EYS: variants seen among roughly 807,000 people sequenced by gnomAD.
EYS encodes the protein EGF-like photoreceptor maintenance factor.
EYS carries 250 observed loss-of-function variants against 282.1 expected under a neutral mutation model. The ratio of observed to expected loss-of-function variants is 0.89; its 90% CI spans 0.80 to 0.98. The LOEUF is 0.98. EYS is among the 50% of genes least tolerant of loss of function. The pLI is 0.00. For missense variants in EYS, 4,016 were observed against 3,709.0 expected, an observed-to-expected ratio of 1.08 and a Z score of -2.15; for synonymous variants, 1,355 against 1,282.9, an observed-to-expected ratio of 1.06 and a Z score of -1.20.
chr6:64,159,805 G>T (rs1385523723), intron 31 of EYS, among the ~76,000 whole-genome samples: 1 of 151,824 alleles, frequency 6.6e-6, no homozygotes, highest in Non-Finnish European at 1.5e-5. Context: ...ATGAATGTTC[G>T]TTATAGCAGG....
At chr6:64,776,619 ATATT>A (rs1218751435) in intron 22 of EYS, among the ~76,000 whole-genome samples, 1 of 152,054 alleles carries the variant, frequency 6.6e-6, no homozygotes, top group African/African-American at 2.4e-5. Context: ...TATATGTACT[ATATT>A]TAAAGTGGGA....
chr6:64,940,320 A>G (rs1250604431), intron 15 of EYS, among the ~76,000 whole-genome samples: 2 of 152,086 alleles, frequency 1.3e-5, no homozygotes, highest in Non-Finnish European at 2.9e-5. Context: ...TGCCAACAGC[A>G]TCAACACACA....
At chr6:64,471,908 G>A (rs73455414) in intron 26 of EYS, among the ~76,000 whole-genome samples, 1 of 152,118 alleles carries the variant, frequency 6.6e-6, no homozygotes, top group Non-Finnish European at 1.5e-5. Context: ...TAGCACAGTA[G>A]GGTGACTGTA....
intron 2 of EYS, among the ~76,000 whole-genome samples, chr6:65,562,513 T>A (rs1769105537): frequency 6.6e-6 from 1 of 152,018 alleles, no homozygotes; most frequent in Admixed American, 6.6e-5. Context: ...ATATTAGAAA[T>A]CTTCCAAATT....
intron 12 of EYS, among the ~76,000 whole-genome samples, chr6:65,167,670 G>A (rs1765006630): frequency 6.6e-6 from 1 of 151,184 alleles, no homozygotes; most frequent in Non-Finnish European, 1.5e-5. Flanking sequence ...ACTGACTTGA[G>A]AGTACCTGTT....
chr6:64,893,667 C>T (rs1767361290), intron 18 of EYS, among the ~76,000 whole-genome samples: 2 of 151,880 alleles, frequency 1.3e-5, no homozygotes, highest in Admixed American at 6.6e-5. Context: ...ATAATTTACA[C>T]CAGGTAATTT....
chr6:65,382,855 T>C (rs1165418406), intron 8 of EYS, among the ~76,000 whole-genome samples: 1 of 151,968 alleles, frequency 6.6e-6, no homozygotes, highest in Non-Finnish European at 1.5e-5. Context: ...TGGGTCTCCC[T>C]TCCCCAGCCC....
intron 30 of EYS, among the ~76,000 whole-genome samples, chr6:64,238,458 G>A (rs931792117): frequency 1.3e-5 from 2 of 152,012 alleles, no homozygotes; most frequent in East Asian, 1.9e-4. Flanking sequence ...ATTATATAGC[G>A]GTGAAGTCTG....
At chr6:65,580,873 T>C (rs1024133903) in intron 2 of EYS, among the ~76,000 whole-genome samples, 2 of 152,072 alleles carry the variant, frequency 1.3e-5, no homozygotes, top group African/African-American at 4.8e-5. Context: ...CCATTTTTTA[T>C]CTCAAGGTAA....
At chr6:65,598,878 A>G (rs947358443) in intron 2 of EYS, among the ~76,000 whole-genome samples, 2 of 152,092 alleles carry the variant, frequency 1.3e-5, no homozygotes, top group African/African-American at 4.8e-5. Flanking sequence ...ACTGTAATCA[A>G]AGGGAGTAGT....
chr6:65,627,808 C>G (rs1357335850), intron 2 of EYS, among the ~76,000 whole-genome samples: 1 of 152,218 alleles, frequency 6.6e-6, no homozygotes, highest in Non-Finnish European at 1.5e-5. Flanking sequence ...CTGCAGCCCG[C>G]CATGCCTGAG....
intron 38 of EYS, 110 bp downstream of exon 38, chr6:63,788,948 A>G: frequency 9.1e-7 from 1 of 1,093,064 alleles, no homozygotes; most frequent in Non-Finnish European, 1.3e-6. Context: ...ATAGTCTGTG[A>G]ACTTCGTGGA....
intron 26 of EYS, among the ~76,000 whole-genome samples, chr6:64,559,271 A>ATGTGTG (rs4034160): frequency 0.16 from 22,089 of 142,142 alleles, 1,752 homozygotes; most frequent in Non-Finnish European, 0.17. Flanking sequence ...GTGTGTGTGC[A>ATGTGTG]TGTGTGTGTG....
intron 29 of EYS, among the ~76,000 whole-genome samples, chr6:64,344,578 C>T (rs1771291841): frequency 6.6e-6 from 1 of 152,084 alleles, no homozygotes; most frequent in Non-Finnish European, 1.5e-5. Flanking sequence ...TATGACAAAC[C>T]CACAGCCAAT....
chr6:64,761,354 A>G (rs958055920), intron 22 of EYS, among the ~76,000 whole-genome samples: 1 of 152,326 alleles, frequency 6.6e-6, no homozygotes, highest in Non-Finnish European at 1.5e-5. Flanking sequence ...TTGATTTACC[A>G]TCTGTAAACA....
intron 33 of EYS, among the ~76,000 whole-genome samples, chr6:64,024,698 G>T (rs770664324): frequency 1.1e-4 from 16 of 151,942 alleles, no homozygotes; most frequent in Admixed American, 1.0e-3. Flanking sequence ...CGAACTCACC[G>T]GGAGGAATGA....
intron 26 of EYS, among the ~76,000 whole-genome samples, chr6:64,490,865 A>G (rs1776718098): frequency 6.6e-6 from 1 of 150,888 alleles, no homozygotes; most frequent in South Asian, 2.1e-4. Flanking sequence ...TTTACTATGC[A>G]TAAAACCACA....
chr6:65,438,988 G>A (rs1034993712), intron 5 of EYS, among the ~76,000 whole-genome samples: 3 of 152,072 alleles, frequency 2.0e-5, no homozygotes, highest in Non-Finnish European at 4.4e-5. Context: ...ATGGTTTTAG[G>A]TCTAACATTT....
At chr6:64,255,379 T>C (rs955040491) in intron 30 of EYS, among the ~76,000 whole-genome samples, 3 of 152,216 alleles carry the variant, frequency 2.0e-5, no homozygotes, top group Admixed American at 2.0e-4. Context: ...CTTTTCTTCC[T>C]AGGTCTAGTT....
Sources: gnomAD v4.1 joint callset for allele counts (sites outside exome capture counted in the v4.1 genomes callset) on GRCh38, gnomAD v4.1.1 for gene constraint, MANE v1.5 for transcripts, NCBI Gene and HGNC (gene_info 2026-07-23, HGNC 2026-07-21) for gene names.